Variants in SPATA31C1 observed in about 807,000 individuals in gnomAD.
SPATA31C1 encodes the protein spermatogenesis-associated protein 31C1.
rs1587594022 is a variant in SPATA31C1, at chr9:87,923,282, C to T, written n.3672C>T. The T allele has an allele frequency of 1.2e-5, 20 of 1,603,720 alleles. No individual in the cohort carries two copies. The East Asian group carries it at 4.5e-4, about 36-fold the overall frequency. ...CAGCCAGCAGTCAACAAGCCACTCT[C>T]AAGAACCAGAGTCGTCCCAACAGAG... is the stretch of plus-strand genomic sequence containing the variant. On this transcript the variant is annotated non_coding_transcript_exon_variant, in exon 5 of 5. Coordinates refer to ENST00000420021, the Ensembl canonical transcript of SPATA31C1.
chr9:87,923,114 G>A lies in SPATA31C1; in HGVS notation n.3504G>A, dbSNP rs763414556. The A allele has an allele frequency of 2.6e-5, 42 of 1,603,412 alleles. No homozygotes were observed. The East Asian group carries it at 7.2e-4, about 27-fold the overall frequency. On this transcript the variant is annotated non_coding_transcript_exon_variant, in exon 5 of 5. Transcript: ENST00000420021. ...TCATGACAGCAGTTGGACAGATACC[G>A]GAGGAGAACATGTCACTTTGCCATG...
exon 5 of SPATA31C1, chr9:87,920,875 C>G (rs369669248): frequency 3.7e-6 from 6 of 1,613,334 alleles, no homozygotes; most frequent in Non-Finnish European, 5.1e-6. Flanking sequence ...ACCACAATGT[C>G]CCCACTGCTT....
chr9:87,920,153 A>G (rs963325064), intron 4 of SPATA31C1, 99 bp from the exon 4 acceptor site: 5 of 1,601,414 alleles, frequency 3.1e-6, no homozygotes, highest in South Asian at 1.1e-5. Context: ...CGTGGTGGAG[A>G]GGGTGTGGCG....
chr9:87,919,096 C>T (rs779112647), intron 2 of SPATA31C1, 159 bp from the exon 2 acceptor site: 12 of 1,183,752 alleles, frequency 1.0e-5, no homozygotes, highest in Admixed American at 2.1e-5. Context: ...CTAAGAAAAG[C>T]AGTTTATCAT....
intron 1 of SPATA31C1, among the ~76,000 whole-genome samples, chr9:87,917,272 G>A (rs1449731482): frequency 6.8e-6 from 1 of 146,292 alleles, no homozygotes; most frequent in Non-Finnish European, 1.5e-5. Context: ...AAATTAGCAG[G>A]GCGTGGTGGT....
chr9:87,920,503 C>G lies in SPATA31C1; in HGVS notation n.893C>G, dbSNP rs758041873. ...TCCTCCCTAAGTGCCTCCCAGCCAC[C>G]AGAACCTTCCCTTCTCCTAGAACGC... On this transcript the variant is annotated non_coding_transcript_exon_variant, in exon 5 of 5. Coordinates refer to ENST00000420021, the Ensembl canonical transcript of SPATA31C1. 36 of 1,613,858 alleles carry G rather than the reference C, an allele frequency of 2.2e-5. 1 individual carries two copies. The highest frequency in any genetic ancestry group is 2.5e-5 in the Non-Finnish European group (30 of 1,179,918).
In SPATA31C1 at chr9:87,922,689, A is replaced by T. The variant is rs754460561; in HGVS notation, n.3079A>T. ...GGCTTCCCAGGAGCTATGTGACCTC[A>T]TGTCAGCCAGAAGGAGTAACATGGG... is the stretch of plus-strand genomic sequence containing the variant. On this transcript the variant is annotated non_coding_transcript_exon_variant, in exon 5 of 5. Coordinates refer to ENST00000420021, the Ensembl canonical transcript of SPATA31C1. 11 of 1,607,610 alleles carry T rather than the reference A, an allele frequency of 6.8e-6. No homozygotes were observed. The African/African-American group carries it at 1.3e-4, about 20-fold the overall frequency.
chr9:87,921,472 A>G, exon 5 of SPATA31C1: 1 of 1,611,844 alleles, frequency 6.2e-7, no homozygotes, highest in East Asian at 2.2e-5. Context: ...CCATGCCCAC[A>G]TCTGGGGCAA....
Position 87,922,835 on chromosome 9 carries a change from G to A in SPATA31C1, n.3225G>A, listed in dbSNP as rs1006833178. The A allele has an allele frequency of 3.7e-6, 6 of 1,606,102 alleles. No homozygotes were observed. In the African/African-American group the frequency reaches 8.1e-5, roughly 22 times the overall value. On this transcript the variant is annotated non_coding_transcript_exon_variant, in exon 5 of 5. Transcript: ENST00000420021. ...CCAACTTAGAAAAACATGAAGAAAT[G>A]TTTCAAGGATTGAGGACTCCTCAAC...
intron 2 of SPATA31C1, chr9:87,919,053 A>T: frequency 1.2e-6 from 1 of 821,436 alleles, no homozygotes; most frequent in South Asian, 1.4e-5. Flanking sequence ...TATAGGCGTG[A>T]GCCACCGCAC....
rs512276 is a variant in SPATA31C1, at chr9:87,922,178, A to G, written n.2568A>G. 3.3e-5 allele frequency: 54 copies of G among 1,613,058 alleles called. 1 individual carries two copies. Among genetic ancestry groups the G allele is most frequent in the Middle Eastern group, 1.8e-4 (1 of 5,508 alleles). ...GGGCCCCGCGAGGGATCCCATCTTC[A>G]AATGATCATGGGTCCTTGAAGGCTC... On this transcript the variant is annotated non_coding_transcript_exon_variant, in exon 5 of 5. Coordinates refer to ENST00000420021, the Ensembl canonical transcript of SPATA31C1.
At chr9:87,920,538 G>A (rs778246337) in exon 5 of SPATA31C1, 116 of 1,613,268 alleles carry the variant, frequency 7.2e-5, no homozygotes, top group Non-Finnish European at 7.5e-5. Flanking sequence ...CCCCTCACCC[G>A]AGCCACCTGC....
At chr9:87,916,726 G>A (rs1481080116) in intron 1 of SPATA31C1, among the ~76,000 whole-genome samples, 18 of 109,676 alleles carry the variant, frequency 1.6e-4, no homozygotes, top group East Asian at 7.3e-4. Context: ...GGCCCGGCAC[G>A]GTGGCTCACG....
exon 5 of SPATA31C1, chr9:87,923,156 G>A (rs762498265): frequency 2.5e-6 from 4 of 1,603,314 alleles, no homozygotes; most frequent in South Asian, 2.2e-5. Flanking sequence ...ATGCCTCGAA[G>A]GTAAATCAGC....
At chr9:87,916,621 AT>A (rs1174295574) in intron 1 of SPATA31C1, among the ~76,000 whole-genome samples, 1 of 148,188 alleles carries the variant, frequency 6.7e-6, no homozygotes, top group Non-Finnish European at 1.5e-5. Flanking sequence ...AACAGGATAG[AT>A]TGATGGAAAA....
chr9:87,921,621 C>T (rs1304946070), exon 5 of SPATA31C1: 6 of 1,611,886 alleles, frequency 3.7e-6, no homozygotes, highest in Middle Eastern at 2.2e-4. Context: ...TTTATTAAGA[C>T]GCACAGAGAG....
At chr9:87,920,753 T>C (rs749853102) in exon 5 of SPATA31C1, 21 of 1,613,856 alleles carry the variant, frequency 1.3e-5, no homozygotes, top group Non-Finnish European at 1.7e-5. Context: ...TCTCAGGCCT[T>C]GGCGGCTCAA....
exon 5 of SPATA31C1, chr9:87,923,225 C>T: frequency 1.9e-6 from 3 of 1,603,390 alleles, no homozygotes; most frequent in Non-Finnish European, 2.6e-6. Flanking sequence ...GACACCCGTT[C>T]TACTCAGACC....
intron 3 of SPATA31C1, among the ~76,000 whole-genome samples, 159 bp downstream of exon 2, chr9:87,919,507 C>T (rs1281471170): frequency 9.0e-6 from 1 of 110,762 alleles, no homozygotes; most frequent in Non-Finnish European, 1.8e-5. Context: ...CGGAATGAAG[C>T]CATGGTGGGC....
Sources: gnomAD v4.1 joint callset for allele counts (sites outside exome capture counted in the v4.1 genomes callset) on GRCh38, gnomAD v4.1.1 for gene constraint, MANE v1.5 for transcripts, NCBI Gene and HGNC (gene_info 2026-07-23, HGNC 2026-07-21) for gene names.